Variants in LILRB1 observed in about 807,000 individuals in gnomAD.
LILRB1 encodes leukocyte immunoglobulin like receptor B1, also known as leukocyte immunoglobulin-like receptor subfamily B member 1.
A neutral mutation model predicts 74.6 loss-of-function variants in LILRB1; 59 were observed. The ratio of observed to expected loss-of-function variants is 0.79; its 90% CI spans 0.64 to 0.98. The LOEUF (loss-of-function observed/expected upper bound fraction) is 0.98. Ranked by LOEUF, LILRB1 falls within the 50% of genes least tolerant of loss-of-function variation. The pLI, the probability that LILRB1 is intolerant of heterozygous loss-of-function variation, is 0.00. For missense variants in LILRB1, 804 were observed against 822.6 expected, an observed-to-expected ratio of 0.98 and a Z score of 0.28; for synonymous variants, 328 against 333.9, an observed-to-expected ratio of 0.98 and a Z score of 0.19.
chr19:54,635,510 C>G, intron 12 of LILRB1, 47 bp from the exon 13 acceptor site: 1 of 1,587,104 alleles, frequency 6.3e-7, no homozygotes, highest in Non-Finnish European at 8.6e-7. Context: ...ACTCAGAGGT[C>G]CCAGGGAACC....
chr19:54,616,490 G>A (rs1331636035), upstream of LILRB1, among the ~76,000 whole-genome samples: 1 of 152,138 alleles, frequency 6.6e-6, no homozygotes, highest in Non-Finnish European at 1.5e-5. Flanking sequence ...TCAACCTGGA[G>A]CTAAGGTACC....
Position 54,633,585 on chromosome 19 carries a change from G to A in LILRB1, c.1262-53G>A, listed in dbSNP as rs942525639. 36 of 1,555,878 alleles carry A rather than the reference G, an allele frequency of 2.3e-5. No homozygotes were observed. In the African/African-American group the frequency reaches 5.0e-4, roughly 22 times the overall value. ...CATGTAGAGAAATTTGGTTTGAGGTGGAGACTTCAGGAAAGCCCCAGCTCC... is the reference window on the plus strand; with the variant it reads ...CATGTAGAGAAATTTGGTTTGAGGTAGAGACTTCAGGAAAGCCCCAGCTCC... On this transcript the variant is annotated intron_variant, in intron 7 of 14. Transcript: ENST00000324602.
At chr19:54,632,308 G>A in intron 5 of LILRB1, 71 bp downstream of exon 5, 1 of 1,570,906 alleles carries the variant, frequency 6.4e-7, no homozygotes, top group Non-Finnish European at 8.6e-7. Flanking sequence ...GCGTCTCAGG[G>A]CAGTTCCAGG....
At chr19:54,634,078 TTCTGTCCTAGGTTCAG>T in intron 9 of LILRB1, 57 bp downstream of exon 9, 1 of 1,557,114 alleles carries the variant, frequency 6.4e-7, no homozygotes, top group South Asian at 1.2e-5. Flanking sequence ...CAGGGGTGGG[TTCTGTCCTAGGTTCAG>T]TCTCCTCTGG....
rs1170190158 is a variant in LILRB1, at chr19:54,632,691, T to C, written c.889T>C (p.Cys297Arg). ...VSRSYGGQYR[C>R]YGAHNLSSEW... ...CCGCTCCTACGGGGGCCAGTACAGA[T>C]GCTACGGTGCACACAACCTCTCCTC... is the stretch of plus-strand genomic sequence containing the variant. Residue 297 changes from cysteine to arginine, a missense_variant, in exon 6 of 15, where the codon TGC (cysteine) becomes CGC (arginine). Physicochemically the swap from Cys to Arg is radical, Grantham distance 180. Coordinates refer to ENST00000324602, the MANE Select transcript of LILRB1 (RefSeq NM_001081637.3). The C allele has an allele frequency of 3.7e-6, 6 of 1,612,944 alleles. No homozygotes were observed. The highest frequency in any genetic ancestry group is 5.1e-6 in the Non-Finnish European group (6 of 1,179,994).
chr19:54,622,496 C>T (rs1006165609), intron 1 of LILRB1, among the ~76,000 whole-genome samples: 2 of 152,168 alleles, frequency 1.3e-5, no homozygotes, highest in Non-Finnish European at 2.9e-5. Context: ...TATAGAAAAG[C>T]TACTGATTTT....
At chr19:54,626,909 C>T (rs1351410592), upstream of LILRB1, among the ~76,000 whole-genome samples, 2 of 152,206 alleles carry the variant, frequency 1.3e-5, no homozygotes, top group Non-Finnish European at 2.9e-5. Context: ...ATGTGAGCCT[C>T]ACACTCACGT....
upstream of LILRB1, among the ~76,000 whole-genome samples, chr19:54,630,035 G>A (rs1423506825): frequency 1.3e-5 from 2 of 152,242 alleles, no homozygotes; most frequent in East Asian, 1.9e-4. Flanking sequence ...GTCTTACCCT[G>A]GTCTGGAAAT....
At chr19:54,627,830 A>AT (rs992243380), upstream of LILRB1, among the ~76,000 whole-genome samples, 2 of 152,010 alleles carry the variant, frequency 1.3e-5, no homozygotes, top group Non-Finnish European at 2.9e-5. Flanking sequence ...GATGTGTGGG[A>AT]TTTTTTTTCC....
upstream of LILRB1, among the ~76,000 whole-genome samples, chr19:54,625,621 C>T (rs555238836): frequency 6.6e-6 from 1 of 152,082 alleles, no homozygotes; most frequent in Admixed American, 6.5e-5. Context: ...CTCACCCCTT[C>T]CCCGTGTTAG....
intron 7 of LILRB1, among the ~76,000 whole-genome samples, 154 bp from the exon 8 acceptor site, chr19:54,633,484 C>G (rs568542528): frequency 2.4e-4 from 37 of 152,280 alleles, no homozygotes; most frequent in African/African-American, 7.9e-4. Flanking sequence ...CCAGGCCTGC[C>G]CACCCTCAGT....
rs560773098 is a variant in LILRB1, at chr19:54,631,242, C to A, written c.35-29C>A. The stretch of plus-strand genomic sequence containing the variant: ...GAGGACCTGCCCAGGCTTCAGGGGG[C>A]AAATCCCTCACCGGGAACTCTCTTC... On this transcript the variant is annotated intron_variant, in intron 2 of 14. Transcript: ENST00000324602. 7 of 1,609,456 alleles carry A rather than the reference C, an allele frequency of 4.3e-6. No individual in the cohort carries two copies. In the African/African-American group the frequency reaches 8.2e-5, roughly 19 times the overall value.
upstream of LILRB1, among the ~76,000 whole-genome samples, chr19:54,616,516 A>G (rs868244169): frequency 1.3e-5 from 2 of 152,186 alleles, no homozygotes; most frequent in Admixed American, 6.5e-5. Context: ...GGGCCCACTG[A>G]AAGCCTCCAG....
intron 13 of LILRB1, chr19:54,635,890 A>T (rs201477561): frequency 1.6e-6 from 1 of 639,298 alleles, no homozygotes; most frequent in East Asian, 3.2e-5. Flanking sequence ...TAAATGAACC[A>T]CCCCGGTCCC....
In LILRB1 at chr19:54,634,694, C is replaced by T. The variant is rs527293952; in HGVS notation, c.1417C>T (p.Leu473=). Residue 473 remains leucine (L), a synonymous_variant, in exon 10 of 15, where the codon CTG becomes TTG. Coordinates refer to ENST00000324602, the MANE Select transcript of LILRB1 (RefSeq NM_001081637.3). ...CGGCATCTTGGTGGCCGTCATCCTA[C>T]TGCTCCTCCTCCTCCTCCTCCTCTT... The part of the protein sequence containing the change: ...VIGILVAVIL[L]LLLLLLLFLI... 1 of 1,613,958 alleles carries T rather than the reference C, an allele frequency of 6.2e-7. No individual in the cohort carries two copies. Among genetic ancestry groups the T allele is most frequent in the Admixed American group, 1.7e-5 (1 of 60,004 alleles).
Position 54,631,555 on chromosome 19 carries a change from G to A in LILRB1, c.126G>A (p.Gly42=), listed in dbSNP as rs775949269. ...WAEPGSVITQ[G]SPVTLRCQGG... ...AACCAGGCTCTGTGATCACCCAGGGGAGTCCTGTGACCCTCAGGTGTCAGG... is the reference window on the plus strand; with the variant it reads ...AACCAGGCTCTGTGATCACCCAGGGAAGTCCTGTGACCCTCAGGTGTCAGG... The change falls in exon 4 of 15, where the codon GGG becomes GGA. Residue 42 remains glycine (G), a synonymous_variant. Transcript: ENST00000324602. The A allele has an allele frequency of 6.8e-6, 11 of 1,614,108 alleles. No individual in the cohort carries two copies. The South Asian group carries it at 9.9e-5, about 14-fold the overall frequency.
rs370779702 is a variant in LILRB1, at chr19:54,633,663, G to A, written c.1287G>A (p.Pro429=). 33 of 1,613,510 alleles carry A rather than the reference G, an allele frequency of 2.0e-5. No homozygotes were observed. Among genetic ancestry groups the A allele is most frequent in the African/African-American group, 6.7e-5 (5 of 74,884 alleles). ...GACCGTCTGGGGGCCCCAGCTCCCCGACAACAGGCCCCACCTCCACATCTG... is the reference window on the plus strand; with the variant it reads ...GACCGTCTGGGGGCCCCAGCTCCCCAACAACAGGCCCCACCTCCACATCTG... The part of the protein sequence containing the change: ...VSGPSGGPSS[P]TTGPTSTSAG... Residue 429 remains proline (P), a synonymous_variant, in exon 8 of 15, where the codon CCG becomes CCA. Transcript: ENST00000324602.
chr19:54,636,439 G>A, intron 13 of LILRB1, 55 bp from the exon 14 acceptor site: 1 of 1,597,056 alleles, frequency 6.3e-7, no homozygotes, highest in Non-Finnish European at 8.5e-7. Flanking sequence ...GAGGAAAATT[G>A]ACTCCAGGGG....
intron 9 of LILRB1, chr19:54,634,259 AT>A (rs2064186613): frequency 6.6e-7 from 1 of 1,518,202 alleles, no homozygotes; most frequent in Non-Finnish European, 8.9e-7. Context: ...CCCAGACCCG[AT>A]TCCGCGGGGG....
Sources: gnomAD v4.1 joint callset for allele counts (sites outside exome capture counted in the v4.1 genomes callset) on GRCh38, gnomAD v4.1.1 for gene constraint, MANE v1.5 for transcripts, NCBI Gene and HGNC (gene_info 2026-07-23, HGNC 2026-07-21) for gene names.